The following NRG2 variants were observed in gnomAD, a reference collection of about 807,000 sequenced individuals.
NRG2 encodes the protein pro-neuregulin-2, membrane-bound isoform.
Under a neutral mutation model 73.9 loss-of-function variants are expected in NRG2, and 27 were observed. That is an observed-to-expected ratio of 0.37 (90% confidence interval 0.27 to 0.50). NRG2 has a LOEUF of 0.50. Ranked by LOEUF, NRG2 falls within the 20% of genes least tolerant of loss-of-function variation. NRG2 has a pLI of 0.96. For synonymous variants in NRG2, 532 were observed against 541.0 expected (o/e 0.98, Z 0.23); for missense variants, 1,126 against 1,210.1 (o/e 0.93, Z 1.03).
At chr5:139,975,731 A>C (rs914885113) in intron 1 of NRG2, among the ~76,000 whole-genome samples, 2 of 152,180 alleles carry the variant, frequency 1.3e-5, no homozygotes, top group Non-Finnish European at 2.9e-5. Flanking sequence ...AGTGAAGGAA[A>C]TAGTTGGTGA....
rs1011937379 is a variant in NRG2, at chr5:139,851,357, G to C, written c.1772+247C>G. On this transcript the variant is annotated intron_variant, in intron 9 of 9. Transcript: ENST00000361474. The surrounding 1 kb of genome is among the most constrained non-coding windows in gnomAD (Gnocchi z 4.2). ...TTTTCTAGTGTGAAAAGTGTCCTGG[G>C]AGGACAATTAAATTAGATGGTCACT... Among the ~76,000 whole-genome samples, 2 of 152,176 alleles carry C rather than the reference G, an allele frequency of 1.3e-5. No homozygotes were observed. The highest frequency in any genetic ancestry group is 2.9e-5 in the Non-Finnish European group (2 of 68,034).
rs1254715883 is a variant in NRG2, at chr5:139,847,887, GGGCGGGGCGGAGGGGCGCGC to G, written c.*10_*29del. ...CTGGTCTCCTTAAAGATAGTGGGGC[GGGCGGGGCGGAGGGGCGCGC>G]GGCGGGGCCCTAGAGTGGCGCCGAG... On this transcript the variant is annotated 3_prime_UTR_variant, in exon 10 of 10. Coordinates refer to ENST00000361474, the MANE Select transcript of NRG2 (RefSeq NM_004883.3). The G allele has an allele frequency of 6.6e-6, 9 of 1,370,018 alleles. No homozygotes were observed. The highest frequency in any genetic ancestry group is 4.9e-5 in the South Asian group (3 of 61,358). The allele number at this position is 1,370,018 out of a possible 1,614,324, so 84.9% of individuals were successfully genotyped here.
At chr5:140,007,322 A>G (rs893595074) in intron 1 of NRG2, among the ~76,000 whole-genome samples, 1 of 152,132 alleles carries the variant, frequency 6.6e-6, no homozygotes, top group Admixed American at 6.5e-5. Context: ...TGCTTCAAAC[A>G]GGCAGTTAAC....
intron 1 of NRG2, among the ~76,000 whole-genome samples, chr5:140,031,724 G>A (rs143469408): frequency 2.1e-3 from 327 of 152,196 alleles, no homozygotes; most frequent in African/African-American, 7.7e-3. Context: ...GAAATCTATT[G>A]CTGGTCTAAG....
At chr5:140,029,039 G>A (rs148511768) in intron 1 of NRG2, among the ~76,000 whole-genome samples, 14 of 152,252 alleles carry the variant, frequency 9.2e-5, no homozygotes, top group East Asian at 7.7e-4. Flanking sequence ...TGACCTTGTC[G>A]CAACTAGTGT....
chr5:140,032,131 G>C (rs921746753), intron 1 of NRG2, among the ~76,000 whole-genome samples: 5 of 152,138 alleles, frequency 3.3e-5, no homozygotes, highest in African/African-American at 1.2e-4. Flanking sequence ...AAGGAACCTG[G>C]TCATACCTCT....
chr5:140,039,615 GTCC>G (rs1761763416), intron 1 of NRG2, among the ~76,000 whole-genome samples: 1 of 152,050 alleles, frequency 6.6e-6, no homozygotes, highest in African/African-American at 2.4e-5. Context: ...ATAAGAAGAG[GTCC>G]AGTGTGACCT....
intron 1 of NRG2, among the ~76,000 whole-genome samples, chr5:139,995,209 T>G (rs1757934687): frequency 6.6e-6 from 1 of 152,062 alleles, no homozygotes; most frequent in African/African-American, 2.4e-5. Flanking sequence ...ACCAAATAGG[T>G]CATCTGAATA....
chr5:139,982,944 C>CCTTTATCAGG (rs1756922280), intron 1 of NRG2, among the ~76,000 whole-genome samples: 1 of 152,226 alleles, frequency 6.6e-6, no homozygotes. Flanking sequence ...TTGCTGCTTC[C>CCTTTATCAGG]CTTTATCAGG....
At chr5:140,003,905 C>T (rs1319246856) in intron 1 of NRG2, among the ~76,000 whole-genome samples, 3 of 152,242 alleles carry the variant, frequency 2.0e-5, no homozygotes, top group Non-Finnish European at 4.4e-5. Flanking sequence ...CTACCTTCAA[C>T]ATACATCCAG....
chr5:140,011,366 C>T (rs940416131), intron 1 of NRG2, among the ~76,000 whole-genome samples: 2 of 152,208 alleles, frequency 1.3e-5, no homozygotes, highest in African/African-American at 4.8e-5. Context: ...CTCCAGTGAT[C>T]TTATCGCCTA....
chr5:139,997,846 C>T (rs565565129), intron 1 of NRG2, among the ~76,000 whole-genome samples: 2 of 152,350 alleles, frequency 1.3e-5, no homozygotes, highest in Non-Finnish European at 2.9e-5. Context: ...TTCCCCTCTC[C>T]ATGGAGCCTG....
At chr5:139,950,164 C>T (rs1754093348) in intron 1 of NRG2, among the ~76,000 whole-genome samples, 1 of 152,244 alleles carries the variant, frequency 6.6e-6, no homozygotes, top group African/African-American at 2.4e-5. Flanking sequence ...AACATTTCTT[C>T]TTCGTTCCTC....
In NRG2 at chr5:139,865,028, C is replaced by A; in HGVS notation, c.1189+521G>T. The A allele has an allele frequency of 4.4e-6, 5 of 1,136,496 alleles. No individual in the cohort carries two copies. The highest frequency in any genetic ancestry group is 2.3e-5 in the East Asian group (1 of 42,682). The allele number at this position is 1,136,496 out of a possible 1,614,324, so 70.4% of individuals were successfully genotyped here. ...CGCAGGACACCCTCTACATCTCCCC[C>A]TAGTCTTGCTAAGCAAGGCCCCATC... On this transcript the variant is annotated intron_variant, in intron 5 of 9. Coordinates refer to ENST00000361474, the MANE Select transcript of NRG2 (RefSeq NM_004883.3). This position sits in a 1 kb window ranked among gnomAD's most constrained non-coding sequence, Gnocchi z 5.2.
chr5:139,982,611 G>C (rs2126565418), intron 1 of NRG2, among the ~76,000 whole-genome samples: 1 of 152,338 alleles, frequency 6.6e-6, no homozygotes, highest in East Asian at 1.9e-4. Context: ...GTCAGTCCTA[G>C]ACAGCGAGTT....
At chr5:139,972,071 T>C (rs1035906610) in intron 1 of NRG2, among the ~76,000 whole-genome samples, 9 of 152,256 alleles carry the variant, frequency 5.9e-5, no homozygotes, top group Admixed American at 5.2e-4. Flanking sequence ...CAAGAAACAA[T>C]TGCAGGTGTT....
intron 1 of NRG2, among the ~76,000 whole-genome samples, chr5:140,009,979 T>C (rs898525064): frequency 2.0e-5 from 3 of 152,026 alleles, no homozygotes; most frequent in Admixed American, 6.6e-5. Flanking sequence ...GGGTGGAGCA[T>C]AGAGGATTTT....
chr5:139,848,466 T>C lies in NRG2; in HGVS notation c.2004A>G (p.Ala668=), dbSNP rs1251742188. 5.3e-6 allele frequency: 7 copies of C among 1,327,014 alleles called. No homozygotes were observed. Among genetic ancestry groups the C allele is most frequent in the African/African-American group, 1.7e-5 (1 of 60,540 alleles). 82.2% of individuals were successfully genotyped at this position (1,327,014 alleles called of 1,614,324 possible). A position where few individuals can be genotyped will look rare whatever the true frequency, so the allele number is the denominator to read the frequency against. Residue 668 remains alanine (A), a synonymous_variant, in exon 10 of 10, where the codon GCA becomes GCG. Transcript: ENST00000361474. The stretch of plus-strand genomic sequence containing the variant: ...AGCTGTCATAGCTGCGCTGCATGTC[T>C]GCGCCGGGCCCGGGCCCGGGCCCGG... ...PGPGPGPGPG[A]DMQRSYDSYY...
chr5:139,976,934 C>T (rs1756421020), intron 1 of NRG2, among the ~76,000 whole-genome samples: 1 of 152,104 alleles, frequency 6.6e-6, no homozygotes, highest in African/African-American at 2.4e-5. Flanking sequence ...CTGTGATCTG[C>T]CAAGTTACTT....
Sources: allele counts gnomAD v4.1 joint callset (sites outside exome capture counted in the v4.1 genomes callset), GRCh38; gene constraint gnomAD v4.1.1; non-coding constraint Gnocchi (gnomAD v3.1); transcripts MANE v1.5; gene names NCBI Gene and HGNC (gene_info 2026-07-23, HGNC 2026-07-21).